Variants in HS3ST5 observed in about 807,000 individuals in gnomAD.
HS3ST5 encodes the protein heparan sulfate glucosamine 3-O-sulfotransferase 5.
A neutral mutation model predicts 25.4 loss-of-function variants in HS3ST5; 10 were observed. The ratio of observed to expected loss-of-function variants is 0.39; its 90% CI spans 0.24 to 0.67. The LOEUF is 0.67. Ranked by LOEUF, HS3ST5 falls within the 30% of genes least tolerant of loss-of-function variation. The probability of loss-of-function intolerance (pLI) is 0.44; values close to 1 mark genes in which losing one functional copy is unlikely to be tolerated. For synonymous variants in HS3ST5, 170 were observed against 162.4 expected (o/e 1.05, Z -0.36); for missense variants, 324 against 420.7 (o/e 0.77, Z 2.01).
intron 3 of HS3ST5, among the ~76,000 whole-genome samples, chr6:114,075,672 G>A (rs1774084048): frequency 6.6e-6 from 1 of 152,146 alleles, no homozygotes; most frequent in South Asian, 2.1e-4. Flanking sequence ...TTTGGTCTTT[G>A]AGGATAGATT....
intron 4 of HS3ST5, among the ~76,000 whole-genome samples, chr6:114,061,941 C>T (rs1773140646): frequency 6.6e-6 from 1 of 151,796 alleles, no homozygotes; most frequent in African/African-American, 2.4e-5. Context: ...AGCGAAACTC[C>T]ATCTCAAAAA....
At chr6:114,167,916 G>A (rs532724059) in intron 3 of HS3ST5, among the ~76,000 whole-genome samples, 25 of 152,084 alleles carry the variant, frequency 1.6e-4, no homozygotes, top group Non-Finnish European at 3.5e-4. Context: ...GCGTTCGAGA[G>A]TAAACAGACC....
intron 4 of HS3ST5, chr6:114,059,470 C>T (rs1487385658): frequency 6.6e-6 from 1 of 152,160 alleles, no homozygotes; most frequent in Non-Finnish European, 1.5e-5. Flanking sequence ...AGGTCATGCC[C>T]AGTGATATGG....
At chr6:114,233,438 A>C (rs9481434) in intron 1 of HS3ST5, among the ~76,000 whole-genome samples, 3,953 of 152,242 alleles carry the variant, frequency 0.026, 168 homozygotes, top group African/African-American at 0.085. Context: ...AATGACCCAG[A>C]AGAAATATAT....
intron 1 of HS3ST5, among the ~76,000 whole-genome samples, chr6:114,285,115 T>A (rs1045206944): frequency 1.3e-5 from 2 of 152,070 alleles, no homozygotes; most frequent in African/African-American, 4.8e-5. Flanking sequence ...ATATTAGCAT[T>A]GGATGTTCAC....
At chr6:114,087,484 A>T (rs1344627225) in intron 3 of HS3ST5, among the ~76,000 whole-genome samples, 1 of 152,176 alleles carries the variant, frequency 6.6e-6, no homozygotes, top group Non-Finnish European at 1.5e-5. Context: ...AGTTACTGAC[A>T]TTAAGAACAA....
chr6:114,317,266 T>C (rs1232433693), intron 1 of HS3ST5, among the ~76,000 whole-genome samples: 3 of 152,180 alleles, frequency 2.0e-5, no homozygotes, highest in African/African-American at 7.2e-5. Flanking sequence ...AGGTCAATCT[T>C]GGAGGAAATA....
intron 1 of HS3ST5, among the ~76,000 whole-genome samples, chr6:114,321,726 A>G (rs548044693): frequency 2.6e-5 from 4 of 152,302 alleles, no homozygotes; most frequent in East Asian, 3.9e-4. Context: ...ACAATGTTCT[A>G]GCAAAATATG....
At chr6:114,121,468 T>C (rs1489319435) in intron 3 of HS3ST5, among the ~76,000 whole-genome samples, 1 of 152,152 alleles carries the variant, frequency 6.6e-6, no homozygotes, top group Non-Finnish European at 1.5e-5. Context: ...TTAAATTTCT[T>C]AATAAGCAAA....
intron 1 of HS3ST5, among the ~76,000 whole-genome samples, chr6:114,323,995 CCCTGCTGGGGGACACTGGCTTCTTCCT>C (rs1409473148): frequency 6.6e-6 from 1 of 152,048 alleles, no homozygotes; most frequent in Non-Finnish European, 1.5e-5. Context: ...GTCTTCTTCC[CCCTGCTGGGGGACACTGGCTTCTTCCT>C]GTCCTTTCTT....
At chr6:114,110,603 G>A (rs1380870518) in intron 3 of HS3ST5, among the ~76,000 whole-genome samples, 1 of 152,164 alleles carries the variant, frequency 6.6e-6, no homozygotes, top group Non-Finnish European at 1.5e-5. Context: ...TAGTGTTTGG[G>A]TCTTACAGTC....
At chr6:114,232,608 C>T (rs1771651248) in intron 1 of HS3ST5, among the ~76,000 whole-genome samples, 2 of 152,192 alleles carry the variant, frequency 1.3e-5, no homozygotes, top group South Asian at 2.1e-4. Flanking sequence ...CAGCCTTCAT[C>T]CAGTGTTCTC....
chr6:114,175,502 A>C (rs1179539842), intron 2 of HS3ST5, among the ~76,000 whole-genome samples: 1 of 152,210 alleles, frequency 6.6e-6, no homozygotes, highest in African/African-American at 2.4e-5. Context: ...ACCACCTCTG[A>C]AATACAGTAA....
chr6:114,238,587 T>C (rs1771965141), intron 1 of HS3ST5, among the ~76,000 whole-genome samples: 2 of 152,162 alleles, frequency 1.3e-5, no homozygotes, highest in Non-Finnish European at 2.9e-5. Context: ...ACCTGAATAG[T>C]AAACATTGTA....
rs1014031639 is a variant in HS3ST5, at chr6:114,265,160, C to G, written c.-338-36382G>C. On this transcript the variant is annotated intron_variant, in intron 1 of 4. Coordinates refer to ENST00000312719, the MANE Select transcript of HS3ST5 (RefSeq NM_153612.4). ...TCAGCCTCCCAAAGTGCTGGAATTA[C>G]AGGTTTAAGCCACCTCCCGGCCAGG... Among the ~76,000 whole-genome samples, 3 of 152,268 alleles carry G rather than the reference C, an allele frequency of 2.0e-5. No homozygotes were observed. In the East Asian group the frequency reaches 5.8e-4, roughly 29 times the overall value.
chr6:114,177,833 A>G (rs1055888639), intron 2 of HS3ST5, among the ~76,000 whole-genome samples: 1 of 152,222 alleles, frequency 6.6e-6, no homozygotes, highest in Non-Finnish European at 1.5e-5. Context: ...CATGATCCAT[A>G]TAGTAAACCT....
chr6:114,232,196 C>T (rs1771630826), intron 1 of HS3ST5, among the ~76,000 whole-genome samples: 2 of 152,122 alleles, frequency 1.3e-5, no homozygotes, highest in African/African-American at 4.8e-5. Flanking sequence ...TTTCCAGATT[C>T]TTCTAATTCA....
intron 2 of HS3ST5, among the ~76,000 whole-genome samples, chr6:114,174,761 G>A (rs551864496): frequency 3.3e-5 from 5 of 152,188 alleles, no homozygotes; most frequent in South Asian, 2.1e-4. Flanking sequence ...TTGGGAGGCC[G>A]AGGCAGGCAG....
chr6:114,198,264 C>T lies in HS3ST5; in HGVS notation c.-144-29802G>A, dbSNP rs141041192. Reference sequence around the variant, plus strand: ...GAAAAAGGAATCTTTAAAAAATGAACGAAGCCTTTGAGATATATGGGATTA... The same window carrying T: ...GAAAAAGGAATCTTTAAAAAATGAATGAAGCCTTTGAGATATATGGGATTA... On this transcript the variant is annotated intron_variant, in intron 2 of 4. Coordinates refer to ENST00000312719, the MANE Select transcript of HS3ST5 (RefSeq NM_153612.4). Among the ~76,000 whole-genome samples the T allele has an allele frequency of 3.1e-4, 47 of 152,102 alleles. 1 individual carries two copies. In the East Asian group the frequency reaches 7.7e-3, roughly 25 times the overall value.
Sources: gnomAD v4.1 joint callset for allele counts (sites outside exome capture counted in the v4.1 genomes callset) on GRCh38, gnomAD v4.1.1 for gene constraint, MANE v1.5 for transcripts, NCBI Gene and HGNC (gene_info 2026-07-23, HGNC 2026-07-21) for gene names.